The following UTP14A variants were observed in gnomAD, a reference collection of about 807,000 sequenced individuals.
UTP14A encodes UTP14A small subunit processome component.
In UTP14A, 5 loss-of-function variants were observed where a neutral mutation model predicts 57.2. That is an observed-to-expected ratio of 0.09 (90% confidence interval 0.05 to 0.18). UTP14A has a LOEUF of 0.18. Among genes scored for constraint, UTP14A ranks in the 10% least tolerant of loss-of-function variants. The pLI is 1.00. For synonymous variants in UTP14A, 169 were observed against 210.9 expected (o/e 0.80, Z 1.72); for missense variants, 430 against 562.1 (o/e 0.76, Z 2.38).
intron 8 of UTP14A, among the ~76,000 whole-genome samples, chrX:129,920,005 A>C (rs765114466): frequency 9.0e-6 from 1 of 111,471 alleles, no homozygotes; most frequent in East Asian, 2.8e-4. Flanking sequence ...CCTGGCCAAC[A>C]TGGCGAAACC....
chrX:129,919,534 G>A (rs766264153), intron 8 of UTP14A, 45 bp downstream of exon 8: 1 of 1,163,264 alleles, frequency 8.6e-7, no homozygotes. Context: ...ACAGAAGAAA[G>A]TCATGTGGTT....
chrX:129,925,856 A>G (rs1930085152), intron 12 of UTP14A, 63 bp from the exon 13 acceptor site: 1 of 1,172,315 alleles, frequency 8.5e-7, no homozygotes, highest in Admixed American at 2.5e-5. Context: ...CCGAAATTCA[A>G]GCGTTCTCGC....
At chrX:129,907,279 TCGAC>T in intron 1 of UTP14A, 84 bp from the exon 2 acceptor site, 1 of 730,881 alleles carries the variant, frequency 1.4e-6, no homozygotes. Context: ...TTTTTTAATT[TCGAC>T]TTTTATTATA....
intron 6 of UTP14A, among the ~76,000 whole-genome samples, chrX:129,912,878 TA>T (rs1378956347): frequency 8.9e-6 from 1 of 112,248 alleles, no homozygotes; most frequent in Non-Finnish European, 1.9e-5. Flanking sequence ...GAGGTTATTC[TA>T]TTTTAATGGT....
chrX:129,910,020 G>T (rs1188050113), intron 4 of UTP14A, among the ~76,000 whole-genome samples: 2 of 112,102 alleles, frequency 1.8e-5, no homozygotes, highest in African/African-American at 6.5e-5. Context: ...AGAGGATGAT[G>T]CAGTAAAGCA....
chrX:129,926,571 A>G (rs1322873807), intron 14 of UTP14A, among the ~76,000 whole-genome samples: 1 of 112,460 alleles, frequency 8.9e-6, no homozygotes, highest in Non-Finnish European at 1.9e-5. Context: ...AACAGAGGCT[A>G]TAAGGTTTAA....
At position 129,924,947 on chromosome X, in the gene UTP14A, T is replaced by A. The variant is rs188468098; in HGVS notation, c.1501T>A (p.Leu501Met). The A allele has an allele frequency of 1.2e-5, 14 of 1,209,298 alleles. No individual in the cohort carries two copies. The East Asian group carries it at 4.2e-4, about 36-fold the overall frequency. Residue 501 changes from leucine (L) to methionine (M), a missense_variant, in exon 12 of 15, where the codon TTG becomes ATG. Transcript: ENST00000394422. ...TGCCCCAGAAGAAGAGGAGCCCCTG[T>A]TGCTACAGAGACCAGAGAGAGTACA... is the stretch of plus-strand genomic sequence containing the variant. Reference protein sequence around the residue: ...EPAPEEEEPLLLQRPERVQTL... With the variant: ...EPAPEEEEPLMLQRPERVQTL...
chrX:129,911,411 C>T (rs1416697123), intron 5 of UTP14A, among the ~76,000 whole-genome samples: 2 of 110,350 alleles, frequency 1.8e-5, no homozygotes, highest in Admixed American at 9.7e-5. Flanking sequence ...GGTGAAACCC[C>T]GTCTCTACTA....
At chrX:129,928,718 C>T (rs1930204986) in intron 14 of UTP14A, among the ~76,000 whole-genome samples, 1 of 111,802 alleles carries the variant, frequency 8.9e-6, no homozygotes, top group South Asian at 3.7e-4. Flanking sequence ...CGTGCCACTG[C>T]ACTCCAGCCT....
At chrX:129,914,720 G>C (rs1929615013) in intron 6 of UTP14A, among the ~76,000 whole-genome samples, 1 of 112,563 alleles carries the variant, frequency 8.9e-6, no homozygotes, top group Non-Finnish European at 1.9e-5. Context: ...CAAAGTGCTA[G>C]AAATGCTGTG....
At chrX:129,908,407 A>C in intron 3 of UTP14A, 1 of 410,734 alleles carries the variant, frequency 2.4e-6, no homozygotes. Flanking sequence ...CACCTGGCTC[A>C]TAAGTTACAG....
intron 14 of UTP14A, 47 bp from the exon 15 acceptor site, chrX:129,929,289 T>C (rs187453998): frequency 3.2e-4 from 376 of 1,187,804 alleles, no homozygotes; most frequent in Middle Eastern, 1.4e-3. Context: ...AGTATACAAC[T>C]GCACCCCAGG....
chrX:129,915,247 C>T (rs1345660694), intron 6 of UTP14A, among the ~76,000 whole-genome samples: 6 of 109,867 alleles, frequency 5.5e-5, no homozygotes, highest in African/African-American at 1.7e-4. Flanking sequence ...GGCTATGGGC[C>T]GGGCGTGGTG....
In UTP14A at chrX:129,916,413, C is replaced by T. The variant is rs183082318; in HGVS notation, c.538-2762C>T. Among the ~76,000 whole-genome samples the T allele has an allele frequency of 4.5e-5, 5 of 110,973 alleles. No individual in the cohort carries two copies. The Admixed American group carries it at 4.8e-4, about 11-fold the overall frequency. On this transcript the variant is annotated intron_variant, in intron 6 of 14. Coordinates refer to ENST00000394422, the MANE Select transcript of UTP14A (RefSeq NM_006649.4). ...CTTCCAAAACCTATACCACCCCCTTCATTCTGCAACTCAGTTAACAGCATA... is the reference window on the plus strand; with the variant it reads ...CTTCCAAAACCTATACCACCCCCTTTATTCTGCAACTCAGTTAACAGCATA...
chrX:129,912,321 A>G (rs1377580016), intron 6 of UTP14A, among the ~76,000 whole-genome samples: 1 of 107,880 alleles, frequency 9.3e-6, no homozygotes, highest in African/African-American at 3.4e-5. Flanking sequence ...GGGTTTCACC[A>G]TGTTGGCCAG....
At chrX:129,915,465 C>A (rs1929649623) in intron 6 of UTP14A, among the ~76,000 whole-genome samples, 1 of 98,094 alleles carries the variant, frequency 1.0e-5, no homozygotes, top group Admixed American at 1.2e-4. Context: ...GCGGAGCTTG[C>A]AGTGAACCAA....
At chrX:129,921,895 G>A (rs866618741) in intron 11 of UTP14A, 8 of 228,292 alleles carry the variant, frequency 3.5e-5, no homozygotes, top group Middle Eastern at 1.3e-3. Context: ...ATGAGTTAGC[G>A]TTCCTGGTAC....
intron 14 of UTP14A, 111 bp from the exon 15 acceptor site, chrX:129,929,225 T>A: frequency 1.0e-6 from 1 of 956,987 alleles, no homozygotes; most frequent in South Asian, 2.4e-5. Context: ...CTTGCAGTCA[T>A]CATGTGGAAC....
In UTP14A at chrX:129,921,528, T is replaced by G; in HGVS notation, c.1289T>G (p.Leu430Arg). 8.3e-7 allele frequency: 1 copy of G among 1,211,261 alleles called. No individual in the cohort carries two copies. Among genetic ancestry groups the G allele is most frequent in the Non-Finnish European group, 1.1e-6 (1 of 895,423 alleles). ...AGAGAATTTGAGGAAAGGCGATCCC[T>G]TAGAAAAAGATCTGAGCTCAGCCAA... ...LLREFEERRS[L>R]RKRSELSQDA... is the part of the protein sequence containing the mutation. The change falls in exon 11 of 15, where the codon CTT becomes CGT. Residue 430 changes from leucine to arginine, a missense_variant. By Grantham distance (102) the Leu-to-Arg change is moderately radical. This residue lies in a region of UTP14A where 120 missense variants were observed against 116.8 expected (regional missense o/e 1.03). Transcript: ENST00000394422.
Sources: gnomAD v4.1 joint callset for allele counts (sites outside exome capture counted in the v4.1 genomes callset) on GRCh38, gnomAD v4.1.1 for gene constraint, gnomAD v4.1.1 regional missense constraint, MANE v1.5 for transcripts, NCBI Gene and HGNC (gene_info 2026-07-23, HGNC 2026-07-21) for gene names.